Variants in AIFM2 observed in about 807,000 individuals in gnomAD.
AIFM2 encodes the protein ferroptosis suppressor protein 1.
A neutral mutation model predicts 35.7 loss-of-function variants in AIFM2; 38 were observed. The ratio of observed to expected loss-of-function variants is 1.06; its 90% CI spans 0.82 to 1.39. The LOEUF (loss-of-function observed/expected upper bound fraction) is 1.39, where lower values mean the gene tolerates loss of function less well. Among genes scored for constraint, AIFM2 ranks in the 40% most tolerant of loss-of-function variants. AIFM2 has a pLI of 0.00. For synonymous variants in AIFM2, 185 were observed against 203.5 expected, an observed-to-expected ratio of 0.91 and a Z score of 0.77; for missense variants, 476 against 491.2, an observed-to-expected ratio of 0.97 and a Z score of 0.29.
Position 70,113,808 on chromosome 10 carries a change from A to C in AIFM2, c.*370T>G. On this transcript the variant is annotated 3_prime_UTR_variant, in exon 9 of 9. Transcript: ENST00000307864. ...GAGCCCAGCAATCTGCCCTGCTCTG[A>C]GAGCTCTAAATGGCACGCGTCATGA... The C allele has an allele frequency of 5.2e-6, 1 of 191,640 alleles. No individual in the cohort carries two copies. The highest frequency in any genetic ancestry group is 1.1e-5 in the Non-Finnish European group (1 of 94,190). 11.9% of individuals were successfully genotyped at this position (191,640 alleles called of 1,614,324 possible).
chr10:70,126,155 C>T (rs1241778825), intron 1 of AIFM2, among the ~76,000 whole-genome samples: 1 of 152,246 alleles, frequency 6.6e-6, no homozygotes, highest in Non-Finnish European at 1.5e-5. Context: ...AGCCGCACAG[C>T]CCATTGAGGG....
intron 2 of AIFM2, among the ~76,000 whole-genome samples, 156 bp from the exon 3 acceptor site, chr10:70,123,676 A>G (rs1220103059): frequency 6.6e-6 from 1 of 152,068 alleles, no homozygotes; most frequent in African/African-American, 2.4e-5. Context: ...CTACTTCCTA[A>G]AATGCCAATC....
At chr10:70,130,161 C>T (rs1165221005) in intron 1 of AIFM2, among the ~76,000 whole-genome samples, 10 of 152,036 alleles carry the variant, frequency 6.6e-5, no homozygotes, top group South Asian at 2.1e-4. Flanking sequence ...CTAGCCTGGG[C>T]GCCAGAGCAA....
rs754363914 is a variant in AIFM2 at position 70,116,613 on chromosome 10, C to T, written c.769+9G>A. On this transcript the variant is annotated intron_variant, in intron 7 of 8. Transcript: ENST00000307864. ...GGCACAGGGGAAGCCCGGCTGGGCA[C>T]CTGCTCACCAAACGCTTTGCGGTAG... is the stretch of plus-strand genomic sequence containing the variant. The T allele has an allele frequency of 6.2e-7, 1 of 1,613,014 alleles. No individual in the cohort carries two copies. The highest frequency in any genetic ancestry group is 1.9e-4 in the Middle Eastern group (1 of 5,332).
At position 70,117,687 on chromosome 10, in the gene AIFM2, A is replaced by G. The variant is rs185315928; in HGVS notation, c.616+125T>C. On this transcript the variant is annotated intron_variant, in intron 6 of 8. Coordinates refer to ENST00000307864, the MANE Select transcript of AIFM2 (RefSeq NM_032797.6). The surrounding 1 kb of genome is among the most constrained non-coding windows in gnomAD (Gnocchi z 4.7). The stretch of plus-strand genomic sequence containing the variant: ...AGCGCTTCATGCTCCACCCCAGGAC[A>G]CAGTGGAAAAGAGAGAGCCTGGGGT... 14 of 693,736 alleles carry G rather than the reference A, an allele frequency of 2.0e-5. No individual in the cohort carries two copies. In the African/African-American group the frequency reaches 2.4e-4, roughly 12 times the overall value. The allele number at this position is 693,736 out of a possible 1,614,324, so 43.0% of individuals were successfully genotyped here. A position where few individuals can be genotyped will look rare whatever the true frequency, so the allele number is the denominator to read the frequency against.
intron 1 of AIFM2, among the ~76,000 whole-genome samples, chr10:70,128,391 A>G (rs1490072173): frequency 6.6e-6 from 1 of 152,190 alleles, no homozygotes. Flanking sequence ...GTCTCACTCT[A>G]TTGCACAGGC....
intron 1 of AIFM2, among the ~76,000 whole-genome samples, chr10:70,130,254 GTTGTGCAACCATC>G (rs1397940845): frequency 1.3e-5 from 2 of 152,098 alleles, no homozygotes; most frequent in African/African-American, 2.4e-5. Flanking sequence ...TATTCACCAG[GTTGTGCAACCATC>G]ACAACTATCT....
chr10:70,129,766 C>T lies in AIFM2; in HGVS notation c.-14+2968G>A, dbSNP rs766142814. Among the ~76,000 whole-genome samples the T allele has an allele frequency of 8.2e-4, 124 of 152,056 alleles. 1 individual carries two copies. The highest frequency in any genetic ancestry group is 2.7e-3 in the African/African-American group (114 of 41,474). On this transcript the variant is annotated intron_variant, in intron 1 of 8. Transcript: ENST00000307864. ...TAATGTCTTTAATAATAGGACAGAC[C>T]GCTTACCATCTAATTTTTTAATCAA...
intron 8 of AIFM2, chr10:70,114,704 C>A (rs968778438): frequency 4.6e-5 from 27 of 590,712 alleles, no homozygotes; most frequent in Non-Finnish European, 6.8e-5. Context: ...GAACTCCCGA[C>A]CTCAGGTGAT....
chr10:70,114,058 C>T lies in AIFM2; in HGVS notation c.*120G>A. ...ATACAAGTTGCATTTCTAGCCACCA[C>T]ATCATTGGCATCTTATTCCAGAAGA... On this transcript the variant is annotated 3_prime_UTR_variant, in exon 9 of 9. Coordinates refer to ENST00000307864, the MANE Select transcript of AIFM2 (RefSeq NM_032797.6). 1.5e-6 allele frequency: 2 copies of T among 1,305,826 alleles called. No individual in the cohort carries two copies. The highest frequency in any genetic ancestry group is 2.1e-6 in the Non-Finnish European group (2 of 970,662). 80.9% of individuals were successfully genotyped at this position (1,305,826 alleles called of 1,614,324 possible). A position where few individuals can be genotyped will look rare whatever the true frequency, so the allele number is the denominator to read the frequency against.
At chr10:70,114,524 G>C (rs888284401) in intron 8 of AIFM2, among the ~76,000 whole-genome samples, 195 bp from the exon 9 acceptor site, 2 of 152,066 alleles carry the variant, frequency 1.3e-5, no homozygotes, top group African/African-American at 4.8e-5. Context: ...GCCCAGGCTG[G>C]AGTGCAATGG....
chr10:70,115,110 T>C lies in AIFM2; in HGVS notation c.780A>G (p.Leu260=), dbSNP rs61736904. 0.049 allele frequency: 79,123 copies of C among 1,613,676 alleles called. 2,830 individuals are homozygous for C. The highest frequency in any genetic ancestry group is 0.18 in the African/African-American group (13,303 of 75,000). ...SAYRKAFESR[L]ASSGALRVNE... ...TCACTCTCAGAGCACCACTGCTGGC[T>C]AGTCTGCTCTCTGCCAGAAGAAATG... is the stretch of plus-strand genomic sequence containing the variant. The change falls in exon 8 of 9, where the codon CTA becomes CTG. Residue 260 remains leucine (L), a synonymous_variant. Coordinates refer to ENST00000307864, the MANE Select transcript of AIFM2 (RefSeq NM_032797.6).
chr10:70,117,714 G>C lies in AIFM2; in HGVS notation c.616+98C>G. 3 of 978,906 alleles carry C rather than the reference G, an allele frequency of 3.1e-6. No homozygotes were observed. Among genetic ancestry groups the C allele is most frequent in the Non-Finnish European group, 4.5e-6 (3 of 663,234 alleles). 60.6% of individuals were successfully genotyped at this position (978,906 alleles called of 1,614,324 possible). A position where few individuals can be genotyped will look rare whatever the true frequency, so the allele number is the denominator to read the frequency against. On this transcript the variant is annotated intron_variant, in intron 6 of 8. Transcript: ENST00000307864. The surrounding 1 kb of genome is among the most constrained non-coding windows in gnomAD (Gnocchi z 4.7). ...AGTGGAAAAGAGAGAGCCTGGGGTG[G>C]ACCATAGCCACCCTCCTGCTGGAAG...
At chr10:70,125,681 G>A (rs2072558360) in intron 1 of AIFM2, among the ~76,000 whole-genome samples, 1 of 151,842 alleles carries the variant, frequency 6.6e-6, no homozygotes. Flanking sequence ...TTGTTGCCCA[G>A]GCTGGTCTCA....
Position 70,120,458 on chromosome 10 carries a change from A to G in AIFM2, c.507+49T>C, listed in dbSNP as rs373238946. The G allele has an allele frequency of 3.1e-6, 5 of 1,589,068 alleles. No individual in the cohort carries two copies. The African/African-American group carries it at 5.4e-5, about 17-fold the overall frequency. ...ATTCCTGATGTTCCTAAGATAATGC[A>G]GAAAAAAGCCAACCACTTAGAGCTC... On this transcript the variant is annotated intron_variant, in intron 5 of 8. Coordinates refer to ENST00000307864, the MANE Select transcript of AIFM2 (RefSeq NM_032797.6).
intron 5 of AIFM2, 155 bp from the exon 6 acceptor site, chr10:70,118,075 T>G: frequency 1.7e-6 from 1 of 601,890 alleles, no homozygotes; most frequent in Non-Finnish European, 2.9e-6. Flanking sequence ...GACCAATTAG[T>G]GGTGAGCTGG....
intron 7 of AIFM2, 83 bp from the exon 8 acceptor site, chr10:70,115,203 G>T: frequency 1.4e-6 from 2 of 1,445,498 alleles, no homozygotes; most frequent in Admixed American, 1.9e-5. Flanking sequence ...GCGAGCTCTA[G>T]ACACTGGTCA....
chr10:70,120,912 G>A (rs2072495038), intron 4 of AIFM2, among the ~76,000 whole-genome samples, 180 bp downstream of exon 4: 1 of 152,142 alleles, frequency 6.6e-6, no homozygotes, highest in Non-Finnish European at 1.5e-5. Context: ...TCACATCCTG[G>A]CTCCAGCAGC....
intron 3 of AIFM2, among the ~76,000 whole-genome samples, 182 bp downstream of exon 3, chr10:70,123,223 T>A (rs2072528876): frequency 6.6e-6 from 1 of 152,208 alleles, no homozygotes; most frequent in East Asian, 1.9e-4. Flanking sequence ...TTTGCCATGT[T>A]GGGCAGGCTG....
Sources: allele counts gnomAD v4.1 joint callset (sites outside exome capture counted in the v4.1 genomes callset), GRCh38; gene constraint gnomAD v4.1.1; non-coding constraint Gnocchi (gnomAD v3.1); transcripts MANE v1.5; gene names NCBI Gene and HGNC (gene_info 2026-07-23, HGNC 2026-07-21).